The following OTOG variants were observed in gnomAD, a reference collection of about 807,000 sequenced individuals.
OTOG encodes the protein otogelin.
Under a neutral mutation model 313.8 loss-of-function variants are expected in OTOG, and 296 were observed. The observed-to-expected ratio is 0.94, with a 90% CI of 0.86 to 1.04. The LOEUF (loss-of-function observed/expected upper bound fraction) is 1.04, where lower values mean the gene tolerates loss of function less well. Among genes scored for constraint, OTOG ranks in the 50% least tolerant of loss-of-function variants. The pLI is 0.00. For synonymous variants in OTOG, 1,533 were observed against 1,554.9 expected (o/e 0.99, Z 0.33); for missense variants, 3,948 against 3,840.1 (o/e 1.03, Z -0.74).
chr11:17,624,557 C>A (rs1032024281), intron 39 of OTOG, among the ~76,000 whole-genome samples: 1 of 152,074 alleles, frequency 6.6e-6, no homozygotes, highest in African/African-American at 2.4e-5. Context: ...TTACTGTAGC[C>A]GTGAAGTATA....
At chr11:17,593,008 G>A (rs1480968381) in intron 25 of OTOG, among the ~76,000 whole-genome samples, 185 bp from the exon 26 acceptor site, 10 of 152,160 alleles carry the variant, frequency 6.6e-5, no homozygotes, top group East Asian at 1.9e-4. Context: ...GTTAAACACC[G>A]CACTAGGCAT....
chr11:17,628,258 G>A (rs964409380), intron 39 of OTOG, among the ~76,000 whole-genome samples: 1 of 151,706 alleles, frequency 6.6e-6, no homozygotes, highest in Non-Finnish European at 1.5e-5. Context: ...GGTATGTTGT[G>A]TTTCCATTAT....
intron 8 of OTOG, 105 bp from the exon 9 acceptor site, chr11:17,558,080 A>G (rs968174115): frequency 1.5e-6 from 2 of 1,371,650 alleles, no homozygotes; most frequent in Non-Finnish European, 2.0e-6. Context: ...ATTCTTCAAA[A>G]CTCCTTACCC....
intron 46 of OTOG, 114 bp downstream of exon 46, chr11:17,635,301 G>A: frequency 4.9e-6 from 4 of 820,410 alleles, no homozygotes; most frequent in Non-Finnish European, 7.5e-6. Flanking sequence ...GATGGGGTGG[G>A]CAAAGGGAGA....
In OTOG at chr11:17,612,178, A is replaced by G. The variant is rs1302347692; in HGVS notation, c.6140A>G (p.Asp2047Gly). The G allele has an allele frequency of 1.9e-6, 3 of 1,549,418 alleles. No individual in the cohort carries two copies. The highest frequency in any genetic ancestry group is 1.7e-6 in the Non-Finnish European group (2 of 1,146,958). Reference sequence around the variant, plus strand: ...TGTACCCAGCCAATCGCCGAGCAGGACTGCGTCCGCCACATCTGCCTGGAG... The same window carrying G: ...TGTACCCAGCCAATCGCCGAGCAGGGCTGCGTCCGCCACATCTGCCTGGAG... ...STTCVPIAEQ[D>G]CVRHICLEGQ... Residue 2047 changes from aspartate (D) to glycine (G), a missense_variant, in exon 37 of 56, where the codon GAC becomes GGC. By Grantham distance (94) the Asp-to-Gly change is moderately conservative (BLOSUM62 -1). Coordinates refer to ENST00000399397, the MANE Select transcript of OTOG (RefSeq NM_001292063.2).
At chr11:17,599,739 A>G in intron 31 of OTOG, 42 bp downstream of exon 31, 1 of 1,544,232 alleles carries the variant, frequency 6.5e-7, no homozygotes, top group Non-Finnish European at 8.8e-7. Context: ...GGGCTCAGGC[A>G]CTGCCAGCCC....
At chr11:17,562,743 A>G (rs1852216904) in intron 15 of OTOG, among the ~76,000 whole-genome samples, 1 of 152,206 alleles carries the variant, frequency 6.6e-6, no homozygotes, top group Admixed American at 6.5e-5. Context: ...ATTTAACTTT[A>G]TCGTCTCTGC....
chr11:17,563,919 A>G (rs1473829731), intron 15 of OTOG, among the ~76,000 whole-genome samples: 1 of 146,962 alleles, frequency 6.8e-6, no homozygotes, highest in African/African-American at 2.6e-5. Flanking sequence ...ACTAGTCTCA[A>G]ACTCCTGGGC....
intron 54 of OTOG, 29 bp from the exon 55 acceptor site, chr11:17,645,534 CA>C (rs1848055717): frequency 6.5e-7 from 1 of 1,546,970 alleles, no homozygotes. Context: ...TGGTCTTGGC[CA>C]CAGCTGCCTC....
At chr11:17,560,388 C>G (rs1017691854) in intron 12 of OTOG, among the ~76,000 whole-genome samples, 9 of 152,066 alleles carry the variant, frequency 5.9e-5, no homozygotes, top group South Asian at 2.1e-4. Flanking sequence ...GGAAGTCATT[C>G]CTGGAGGAGG....
rs562069769 is a variant in OTOG, at chr11:17,609,153, G to A, written c.4298G>A (p.Cys1433Tyr). 1 of 1,550,566 alleles carries A rather than the reference G, an allele frequency of 6.4e-7. No individual in the cohort carries two copies. The stretch of plus-strand genomic sequence containing the variant: ...AGGGTAGAAGGCTGTGTCCCTGTGT[G>A]CCCCACCCCCCAGGTCCTGGATGAA... Reference protein sequence around the residue: ...VPRVEGCVPVCPTPQVLDEVT... With the variant: ...VPRVEGCVPVYPTPQVLDEVT... Residue 1433 changes from cysteine (C) to tyrosine (Y), a missense_variant, in exon 35 of 56, where the codon TGC (cysteine) becomes TAC (tyrosine). Physicochemically the swap from Cys to Tyr is radical, Grantham distance 194. Coordinates refer to ENST00000399397, the MANE Select transcript of OTOG (RefSeq NM_001292063.2).
intron 33 of OTOG, 121 bp from the exon 34 acceptor site, chr11:17,608,175 C>G: frequency 3.1e-6 from 2 of 644,278 alleles, no homozygotes; most frequent in Non-Finnish European, 5.1e-6. Context: ...GTTTTTTCCC[C>G]ATTTGCTTTC....
At chr11:17,579,122 C>G (rs1852607971) in intron 23 of OTOG, among the ~76,000 whole-genome samples, 5 of 152,194 alleles carry the variant, frequency 3.3e-5, no homozygotes. Context: ...TGACACCCAG[C>G]TCTGCCCATT....
At chr11:17,596,298 C>A in intron 29 of OTOG, 144 bp downstream of exon 29, 1 of 666,822 alleles carries the variant, frequency 1.5e-6, no homozygotes, top group Non-Finnish European at 2.6e-6. Flanking sequence ...CTGCCTCCAG[C>A]CAGCTCAGAT....
At position 17,565,633 on chromosome 11, in the gene OTOG, T is replaced by G. The variant is rs113807304; in HGVS notation, c.1645-3523T>G. Among the ~76,000 whole-genome samples, 1,463 of 152,340 alleles carry G rather than the reference T, an allele frequency of 9.6e-3. 12 individuals carry two copies. Among genetic ancestry groups the G allele is most frequent in the Non-Finnish European group, 0.016 (1,085 of 68,028 alleles). On this transcript the variant is annotated intron_variant, in intron 15 of 55. Transcript: ENST00000399397. ...TTAGAACTTTTCTGCCAGGGAGATT[T>G]GTCTCTTTTCTCCCATTTACTTATT...
intron 38 of OTOG, among the ~76,000 whole-genome samples, chr11:17,613,319 C>CT (rs1853637213): frequency 7.5e-6 from 1 of 132,882 alleles, no homozygotes; most frequent in South Asian, 2.5e-4. Flanking sequence ...CCCTCCCTCT[C>CT]TGCCCTGCCC....
intron 44 of OTOG, 142 bp downstream of exon 44, chr11:17,634,423 A>C: frequency 1.1e-6 from 1 of 929,480 alleles, no homozygotes; most frequent in Non-Finnish European, 1.6e-6. Flanking sequence ...GGAGGGGAGA[A>C]CCCTCCCTGG....
chr11:17,594,251 G>A, intron 28 of OTOG, 85 bp downstream of exon 28: 2 of 1,504,108 alleles, frequency 1.3e-6, no homozygotes, highest in Non-Finnish European at 1.8e-6. Flanking sequence ...TCAGGGAAGA[G>A]GGATGCTGGT....
intron 38 of OTOG, among the ~76,000 whole-genome samples, chr11:17,613,179 TTTCTTTCTTTCTTTCTTTTC>T (rs1565118753): frequency 2.0e-5 from 2 of 97,724 alleles, no homozygotes; most frequent in Non-Finnish European, 4.1e-5. Flanking sequence ...CTTTTCTTTC[TTTCTTTCTTTCTTTCTTTTC>T]TTTCTTTCTT....
Sources: allele counts gnomAD v4.1 joint callset (sites outside exome capture counted in the v4.1 genomes callset), GRCh38; gene constraint gnomAD v4.1.1; transcripts MANE v1.5; gene names NCBI Gene and HGNC (gene_info 2026-07-23, HGNC 2026-07-21).